The following XPO5 variants were observed in gnomAD, a reference collection of about 807,000 sequenced individuals.
XPO5 encodes exportin 5, also known as exportin-5.
A neutral mutation model predicts 160.6 loss-of-function variants in XPO5; 46 were observed. That is an observed-to-expected ratio of 0.29 (90% CI 0.23 to 0.37). The LOEUF (loss-of-function observed/expected upper bound fraction) is 0.37. XPO5 is among the 10% of genes least tolerant of loss of function. The pLI is 1.00. For missense variants in XPO5, 1,090 were observed against 1,463.9 expected (o/e 0.74, Z 4.17); for synonymous variants, 537 against 519.3 (o/e 1.03, Z -0.46).
intron 14 of XPO5, among the ~76,000 whole-genome samples, chr6:43,551,829 C>G (rs1217501931): frequency 6.6e-6 from 1 of 152,072 alleles, no homozygotes; most frequent in Non-Finnish European, 1.5e-5. Context: ...CCATGCCTGG[C>G]TAATTTTTTA....
intron 20 of XPO5, among the ~76,000 whole-genome samples, chr6:43,535,421 C>G (rs141273511): frequency 1.4e-3 from 208 of 152,028 alleles, no homozygotes; most frequent in African/African-American, 4.9e-3. Context: ...AAAACCCAGT[C>G]TCTACTAAAA....
intron 20 of XPO5, among the ~76,000 whole-genome samples, chr6:43,535,151 A>T (rs1422906250): frequency 6.6e-6 from 1 of 150,618 alleles, no homozygotes; most frequent in Non-Finnish European, 1.5e-5. Context: ...AATTAGCCGG[A>T]CGTGGTGGTG....
intron 18 of XPO5, 61 bp downstream of exon 18, chr6:43,548,200 G>C (rs1795057335): frequency 6.7e-7 from 1 of 1,485,298 alleles, no homozygotes; most frequent in Middle Eastern, 2.5e-4. Context: ...CCTGGGCCTA[G>C]CTCTTAAACC....
In XPO5 at chr6:43,523,496, C is replaced by A; in HGVS notation, c.*372G>T. 2.6e-6 allele frequency: 1 copy of A among 388,942 alleles called. No homozygotes were observed. Among genetic ancestry groups the A allele is most frequent in the Non-Finnish European group, 5.1e-6 (1 of 197,846 alleles). The allele number at this position is 388,942 out of a possible 1,614,324, so 24.1% of individuals were successfully genotyped here. On this transcript the variant is annotated 3_prime_UTR_variant, in exon 32 of 32. Coordinates refer to ENST00000265351, the MANE Select transcript of XPO5 (RefSeq NM_020750.3). ...TGCTCTTGCTGCGAGCCTTGCTAGT[C>A]GCAGGGTTGGGCACAGCACCCTTAG... is the stretch of plus-strand genomic sequence containing the variant.
intron 13 of XPO5, among the ~76,000 whole-genome samples, chr6:43,554,313 A>G (rs1467182323): frequency 6.6e-6 from 1 of 151,560 alleles, no homozygotes; most frequent in African/African-American, 2.4e-5. Context: ...AGGTTTCACC[A>G]TCTTGGCCAG....
intron 5 of XPO5, among the ~76,000 whole-genome samples, chr6:43,569,491 T>C (rs976800003): frequency 2.0e-5 from 3 of 152,106 alleles, no homozygotes; most frequent in Non-Finnish European, 4.4e-5. Flanking sequence ...CCCAGCACTT[T>C]GGAAGACCAA....
intron 7 of XPO5, 124 bp downstream of exon 7, chr6:43,567,045 A>G: frequency 1.0e-6 from 1 of 982,976 alleles, no homozygotes; most frequent in African/African-American, 1.6e-5. Flanking sequence ...GGAAGCAGGC[A>G]GTAAGTTGGC....
chr6:43,561,266 A>T, intron 9 of XPO5: 1 of 398,028 alleles, frequency 2.5e-6, no homozygotes, highest in Non-Finnish European at 4.5e-6. Flanking sequence ...GTAAAATAAA[A>T]AACACTCATT....
chr6:43,547,669 C>G lies in XPO5; in HGVS notation c.2099G>C (p.Gly700Ala), dbSNP rs763075946. 4 of 1,613,980 alleles carry G rather than the reference C, an allele frequency of 2.5e-6. No individual in the cohort carries two copies. The highest frequency in any genetic ancestry group is 1.7e-6 in the Non-Finnish European group (2 of 1,179,880). Residue 700 changes from glycine to alanine, a missense_variant, in exon 19 of 32, where the codon GGT (glycine) becomes GCT (alanine). By Grantham distance (60) the Gly-to-Ala change is moderately conservative. Coordinates refer to ENST00000265351, the MANE Select transcript of XPO5 (RefSeq NM_020750.3). ...SDVDAFIAYV[G>A]TDQKSCDPGL... ...TGGGTCACAGCTCTTCTGATCTGTA[C>G]CCACATACGCAATGAAAGCATCAAC... is the stretch of plus-strand genomic sequence containing the variant.
At chr6:43,570,311 C>CAAAAAAAAAAAAA (rs70990200) in intron 5 of XPO5, among the ~76,000 whole-genome samples, 191 bp downstream of exon 5, 2 of 77,190 alleles carry the variant, frequency 2.6e-5, no homozygotes, top group Admixed American at 1.6e-4. Flanking sequence ...GCCTCCGTCT[C>CAAAAAAAAAAAAA]AAAAAAAAAA....
At chr6:43,533,811 G>T in intron 21 of XPO5, 96 bp downstream of exon 21, 1 of 872,620 alleles carries the variant, frequency 1.1e-6, no homozygotes, top group Non-Finnish European at 1.7e-6. Context: ...CTCTAGCCTG[G>T]GTGACAGAGA....
chr6:43,540,268 A>G (rs1794621517), intron 20 of XPO5, among the ~76,000 whole-genome samples: 1 of 152,224 alleles, frequency 6.6e-6, no homozygotes, highest in Non-Finnish European at 1.5e-5. Context: ...TCACGAGGTC[A>G]GGAGATCAAG....
Position 43,553,404 on chromosome 6 carries a change from A to AT in XPO5, c.1540dup (p.Ile514AsnfsTer10). 6.2e-7 allele frequency: 1 copy of AT among 1,607,864 alleles called. No homozygotes were observed. ...ATTTAGTGTTCGAAACATCTGGGTGATAACACTTTCCAAAAAAAGAGTCAT... is the reference window on the plus strand; with the variant it reads ...ATTTAGTGTTCGAAACATCTGGGTGATTAACACTTTCCAAAAAAAGAGTCAT... On this transcript the variant is annotated frameshift_variant, in exon 14 of 32. Transcript: ENST00000265351. LOFTEE classifies it high-confidence loss of function.
chr6:43,567,997 G>A (rs1354245144), intron 6 of XPO5, among the ~76,000 whole-genome samples: 1 of 147,298 alleles, frequency 6.8e-6, no homozygotes, highest in Non-Finnish European at 1.5e-5. Flanking sequence ...TTCAACCATA[G>A]CTCAGTGATC....
Position 43,523,967 on chromosome 6 carries a change from A to C in XPO5, c.3516T>G (p.Ile1172Met). The stretch of plus-strand genomic sequence containing the variant: ...TTTTGAAAAGTGAGGGAAGATTCTT[A>C]ATGTGAACTTCTTTTCGGAACTGCT... ...LGEQFRKEVHIKNLPSLFKKT... is the reference protein window; with the variant it reads ...LGEQFRKEVHMKNLPSLFKKT... Residue 1172 changes from isoleucine (I) to methionine (M), a missense_variant, in exon 32 of 32, where the codon ATT becomes ATG. Transcript: ENST00000265351. 1 of 1,613,878 alleles carries C rather than the reference A, an allele frequency of 6.2e-7. No individual in the cohort carries two copies. Among genetic ancestry groups the C allele is most frequent in the Non-Finnish European group, 8.5e-7 (1 of 1,179,892 alleles).
Position 43,548,351 on chromosome 6 carries a change from T to C in XPO5, c.1970A>G (p.Asn657Ser). ...CTGACGCTCGTAGTTCTTAAATTGG[T>C]TGCTAATGAGAACCAGGGCTTCCAT... ...ALMEALVLIS[N>S]QFKNYERQKV... The change falls in exon 18 of 32, where the codon AAC (asparagine) becomes AGC (serine). Residue 657 changes from asparagine (N) to serine (S), a missense_variant. Coordinates refer to ENST00000265351, the MANE Select transcript of XPO5 (RefSeq NM_020750.3). The C allele has an allele frequency of 1.2e-6, 2 of 1,613,768 alleles. No homozygotes were observed. The highest frequency in any genetic ancestry group is 1.7e-6 in the Non-Finnish European group (2 of 1,179,766).
chr6:43,554,437 CTTTT>C lies in XPO5; in HGVS notation c.1442-938_1442-935del, dbSNP rs568156476. 6.4e-3 allele frequency among the ~76,000 whole-genome samples: 616 copies of C among 96,730 alleles called. 4 individuals carry two copies. Among genetic ancestry groups the C allele is most frequent in the African/African-American group, 0.022 (563 of 25,890 alleles). The allele number at this position is 96,730 out of a possible 152,430, so 63.5% of individuals were successfully genotyped here. A position where few individuals can be genotyped will look rare whatever the true frequency, so the allele number is the denominator to read the frequency against. Reference sequence around the variant, plus strand: ...CTTTTCTTTTCTTTTTTTTTTTTTTCTTTTTTGAGATGGAGTCCCGCTCTTTGCC... The same window carrying C: ...CTTTTCTTTTCTTTTTTTTTTTTTTCTTGAGATGGAGTCCCGCTCTTTGCC... On this transcript the variant is annotated intron_variant, in intron 13 of 31. Coordinates refer to ENST00000265351, the MANE Select transcript of XPO5 (RefSeq NM_020750.3).
At chr6:43,554,591 A>ATTTTTTG (rs1761941606) in intron 13 of XPO5, among the ~76,000 whole-genome samples, 1 of 150,836 alleles carries the variant, frequency 6.6e-6, no homozygotes, top group South Asian at 2.1e-4. Context: ...CGCCTGGCTA[A>ATTTTTTG]TTTTTTGTTT....
At chr6:43,568,681 T>C in intron 6 of XPO5, 30 bp downstream of exon 6, 1 of 1,548,866 alleles carries the variant, frequency 6.5e-7, no homozygotes. Flanking sequence ...GGTTCAAAGG[T>C]CTCCTTCAAA....
Sources: gnomAD v4.1 joint callset for allele counts (sites outside exome capture counted in the v4.1 genomes callset) on GRCh38, gnomAD v4.1.1 for gene constraint, MANE v1.5 for transcripts, NCBI Gene and HGNC (gene_info 2026-07-23, HGNC 2026-07-21) for gene names.